INPP4A: variants seen among roughly 807,000 people sequenced by gnomAD.
INPP4A encodes inositol polyphosphate-4-phosphatase type I A.
In INPP4A, 33 loss-of-function variants were observed where a neutral mutation model predicts 119.8. The observed-to-expected ratio is 0.28, with a 90% CI of 0.21 to 0.37. INPP4A has a LOEUF of 0.37. Among genes scored for constraint, INPP4A ranks in the 10% least tolerant of loss-of-function variants. The pLI is 1.00. For missense variants in INPP4A, 956 were observed against 1,289.9 expected, an observed-to-expected ratio of 0.74 and a Z score of 3.97; for synonymous variants, 496 against 500.7, an observed-to-expected ratio of 0.99 and a Z score of 0.12.
At chr2:98,474,168 C>G (rs1419506801) in intron 1 of INPP4A, among the ~76,000 whole-genome samples, 1 of 152,186 alleles carries the variant, frequency 6.6e-6, no homozygotes, top group Admixed American at 6.5e-5. Context: ...TGATTTCAGC[C>G]TCCCATTCTT....
rs796908576 is a variant in INPP4A at position 98,554,678 on chromosome 2, G to A, written c.1566+189G>A. 1.3e-4 allele frequency among the ~76,000 whole-genome samples: 20 copies of A among 152,318 alleles called. No homozygotes were observed. Among genetic ancestry groups the A allele is most frequent in the African/African-American group, 4.6e-4 (19 of 41,572 alleles). ...GAGGAGACTGTTTTCAAACCCTTGT[G>A]TCCAGATAGGGGTAGGGCTGTGCTG... On this transcript the variant is annotated intron_variant, in intron 15 of 24. Transcript: ENST00000409851. The surrounding 1 kb of genome is among the most constrained non-coding windows in gnomAD (Gnocchi z 4.7).
Position 98,566,302 on chromosome 2 carries a change from A to G in INPP4A, c.2420+133A>G. ...CTTCCTTCCTTTGGCCAACATTTTC[A>G]TCATGGCCGTGCACCTCACTGTCTT... On this transcript the variant is annotated intron_variant, in intron 21 of 24. Transcript: ENST00000409851. The surrounding 1 kb of genome is among the most constrained non-coding windows in gnomAD (Gnocchi z 4.2). 1.0e-6 allele frequency: 1 copy of G among 1,002,952 alleles called. No homozygotes were observed. The highest frequency in any genetic ancestry group is 1.4e-6 in the Non-Finnish European group (1 of 712,896). 62.1% of individuals were successfully genotyped at this position (1,002,952 alleles called of 1,614,324 possible).
At chr2:98,545,720 G>T (rs1692357083) in intron 11 of INPP4A, among the ~76,000 whole-genome samples, 1 of 152,090 alleles carries the variant, frequency 6.6e-6, no homozygotes, top group African/African-American at 2.4e-5. Flanking sequence ...TTTGAAGCCG[G>T]TTCTCCCTGG....
intron 1 of INPP4A, among the ~76,000 whole-genome samples, chr2:98,448,685 G>A (rs914155769): frequency 6.7e-6 from 1 of 148,762 alleles, no homozygotes. Context: ...AGCAGTTGTA[G>A]TCTTCTTTTC....
intron 6 of INPP4A, 86 bp from the exon 7 acceptor site, chr2:98,536,043 G>C: frequency 1.2e-6 from 1 of 854,868 alleles, no homozygotes; most frequent in Non-Finnish European, 1.9e-6. Flanking sequence ...GTGGGAAGCA[G>C]TCAGCTGGAC....
At chr2:98,464,177 G>T (rs1674233968) in intron 1 of INPP4A, among the ~76,000 whole-genome samples, 5 of 152,106 alleles carry the variant, frequency 3.3e-5, no homozygotes, top group Admixed American at 2.6e-4. Context: ...TTCAAATCTT[G>T]CACAGGCTGG....
intron 1 of INPP4A, among the ~76,000 whole-genome samples, chr2:98,501,663 G>A (rs548483728): frequency 6.6e-6 from 1 of 152,344 alleles, no homozygotes; most frequent in African/African-American, 2.4e-5. Flanking sequence ...ACCATTTGGG[G>A]CACTCCACCA....
At chr2:98,568,781 C>A in intron 22 of INPP4A, 113 bp downstream of exon 22, 1 of 673,784 alleles carries the variant, frequency 1.5e-6, no homozygotes, top group South Asian at 1.6e-5. Flanking sequence ...CATGTGTGTG[C>A]ACTGTTCCCT....
chr2:98,506,198 A>G (rs115653473), intron 1 of INPP4A, among the ~76,000 whole-genome samples: 5,053 of 152,316 alleles, frequency 0.033, 98 homozygotes, highest in Admixed American at 0.049. Flanking sequence ...GCGGGACATA[A>G]TGAGGAACTC....
At chr2:98,475,538 T>C (rs143854604) in intron 1 of INPP4A, among the ~76,000 whole-genome samples, 133 of 152,312 alleles carry the variant, frequency 8.7e-4, no homozygotes, top group African/African-American at 3.1e-3. Flanking sequence ...AGTCAGAATA[T>C]AGTGCAAAAT....
chr2:98,559,519 C>G, intron 17 of INPP4A, 24 bp downstream of exon 17: 1 of 1,610,858 alleles, frequency 6.2e-7, no homozygotes, highest in East Asian at 2.2e-5. Context: ...GTTCAAGGCT[C>G]CTGCTGATGC....
chr2:98,472,820 G>T (rs1676324698), intron 1 of INPP4A, among the ~76,000 whole-genome samples: 1 of 152,264 alleles, frequency 6.6e-6, no homozygotes. Context: ...CTTAGCTGGG[G>T]CATGGCTGGC....
intron 21 of INPP4A, among the ~76,000 whole-genome samples, chr2:98,568,091 C>T (rs561825921): frequency 3.3e-5 from 5 of 152,300 alleles, no homozygotes; most frequent in Admixed American, 6.5e-5. Flanking sequence ...TGAACCTGCA[C>T]GATGACGAAA....
chr2:98,579,146 G>A (rs892553752), intron 24 of INPP4A, among the ~76,000 whole-genome samples: 1 of 151,600 alleles, frequency 6.6e-6, no homozygotes, highest in Admixed American at 6.6e-5. Context: ...TCCACCTCCA[G>A]AGTTTAAGCA....
rs1700373702 is a variant in INPP4A at position 98,591,045 on chromosome 2, C to T, written c.*3437C>T. 4.5e-6 allele frequency: 1 copy of T among 220,598 alleles called. No individual in the cohort carries two copies. Among genetic ancestry groups the T allele is most frequent in the Admixed American group, 5.8e-5 (1 of 17,368 alleles). The allele number at this position is 220,598 out of a possible 1,614,324, so 13.7% of individuals were successfully genotyped here. A position where few individuals can be genotyped will look rare whatever the true frequency, so the allele number is the denominator to read the frequency against. On this transcript the variant is annotated 3_prime_UTR_variant, in exon 25 of 25. Transcript: ENST00000409851. The stretch of plus-strand genomic sequence containing the variant: ...ATTAGCCCCTGTCATATGTTGCACA[C>T]TTTTTAACCTATTTGTCAGCTGTCT...
rs1460349763 is a variant in INPP4A, at chr2:98,593,386, G to A, written c.*5778G>A. On this transcript the variant is annotated 3_prime_UTR_variant, in exon 25 of 25. Transcript: ENST00000409851. ...TCTGTGGCCTGACTCTCTCCTGGTG[G>A]TCCTACGTCTCTGACCATCCCTCCT... 2 of 152,530 alleles carry A rather than the reference G, an allele frequency of 1.3e-5. No individual in the cohort carries two copies. The highest frequency in any genetic ancestry group is 6.5e-5 in the Admixed American group (1 of 15,284). 9.4% of individuals were successfully genotyped at this position (152,530 alleles called of 1,614,324 possible).
chr2:98,461,811 G>T (rs529789402), intron 1 of INPP4A, among the ~76,000 whole-genome samples: 13 of 152,346 alleles, frequency 8.5e-5, no homozygotes, highest in African/African-American at 2.9e-4. Flanking sequence ...TGGCCCACAA[G>T]GAGTTTTGTG....
chr2:98,491,068 A>G (rs1680638566), intron 1 of INPP4A, among the ~76,000 whole-genome samples: 1 of 152,234 alleles, frequency 6.6e-6, no homozygotes, highest in South Asian at 2.1e-4. Context: ...CAGACAGACA[A>G]TAGTAGGAAC....
At chr2:98,535,089 G>T (rs897089143) in intron 5 of INPP4A, among the ~76,000 whole-genome samples, 2 of 152,214 alleles carry the variant, frequency 1.3e-5, no homozygotes, top group African/African-American at 4.8e-5. Context: ...GAGGCCCAGG[G>T]AATGGTGGCT....
Sources: gnomAD v4.1 joint callset for allele counts (sites outside exome capture counted in the v4.1 genomes callset) on GRCh38, gnomAD v4.1.1 for gene constraint, Gnocchi (gnomAD v3.1) non-coding constraint, MANE v1.5 for transcripts, NCBI Gene and HGNC (gene_info 2026-07-23, HGNC 2026-07-21) for gene names.